HDAC9: variants seen among roughly 807,000 people sequenced by gnomAD.
The protein encoded by HDAC9 is MEF-2 interacting transcription repressor (MITR) protein.
HDAC9 carries 41 observed loss-of-function variants against 139.4 expected under a neutral mutation model. The ratio of observed to expected loss-of-function variants is 0.29; its 90% CI spans 0.23 to 0.38. HDAC9 has a LOEUF of 0.38. Among genes scored for constraint, HDAC9 ranks in the 10% least tolerant of loss-of-function variants. The pLI is 1.00. For synonymous variants in HDAC9, 517 were observed against 476.2 expected (o/e 1.09, Z -1.12); for missense variants, 1,147 against 1,297.0 (o/e 0.88, Z 1.78).
chr7:18,492,015 A>G (rs2128135333), upstream of HDAC9, among the ~76,000 whole-genome samples: 1 of 152,118 alleles, frequency 6.6e-6, no homozygotes, highest in East Asian at 1.9e-4. Flanking sequence ...GTCTCTCCTT[A>G]ACCATACTTA....
chr7:18,876,285 T>C (rs1483085054), intron 22 of HDAC9, among the ~76,000 whole-genome samples: 1 of 152,102 alleles, frequency 6.6e-6, no homozygotes, highest in Non-Finnish European at 1.5e-5. Context: ...TTGTGTTCCA[T>C]CTCAGAATCA....
At chr7:18,167,170 A>G (rs1788066258) in intron 2 of HDAC9, among the ~76,000 whole-genome samples, 1 of 151,722 alleles carries the variant, frequency 6.6e-6, no homozygotes, top group Admixed American at 6.6e-5. Flanking sequence ...ACTGTATGTT[A>G]AAGTTATTAA....
chr7:18,270,677 G>A (rs187973657), intron 2 of HDAC9, among the ~76,000 whole-genome samples: 3 of 152,192 alleles, frequency 2.0e-5, no homozygotes, highest in East Asian at 3.9e-4. Context: ...AAAAAGAGTA[G>A]GAGGAAAAAT....
At chr7:18,164,595 A>G (rs1787873506) in intron 2 of HDAC9, among the ~76,000 whole-genome samples, 1 of 152,170 alleles carries the variant, frequency 6.6e-6, no homozygotes, top group East Asian at 1.9e-4. Context: ...TTTGTCTTCA[A>G]AATTGGTTCT....
chr7:18,153,589 G>T (rs1432631025), intron 1 of HDAC9, among the ~76,000 whole-genome samples: 1 of 152,170 alleles, frequency 6.6e-6, no homozygotes, highest in Admixed American at 6.5e-5. Flanking sequence ...AAAAGGTGGG[G>T]AGGGTTGCAA....
At chr7:18,672,406 C>G (rs1421260782) in intron 12 of HDAC9, among the ~76,000 whole-genome samples, 1 of 151,938 alleles carries the variant, frequency 6.6e-6, no homozygotes, top group Non-Finnish European at 1.5e-5. Context: ...GCTTGCTTGT[C>G]TTTTTGTTGT....
rs143131784 is a variant in HDAC9 at position 18,869,172 on chromosome 7, G to T, written c.2685-5306G>T. Reference sequence around the variant, plus strand: ...GGTGTGTGTGTGTGTGTGTGTGTGTGTGTGTGTGTGTGTGTTGCGGTAGGG... The same window carrying T: ...GGTGTGTGTGTGTGTGTGTGTGTGTTTGTGTGTGTGTGTGTTGCGGTAGGG... On this transcript the variant is annotated intron_variant, in intron 21 of 25. Coordinates refer to ENST00000686413, the MANE Select transcript of HDAC9 (RefSeq NM_178425.4). Among the ~76,000 whole-genome samples the T allele has an allele frequency of 2.5e-4, 38 of 151,642 alleles. No homozygotes were observed. In the East Asian group the frequency reaches 5.3e-3, roughly 21 times the overall value.
chr7:18,405,227 C>G (rs542786390), intron 1 of HDAC9, among the ~76,000 whole-genome samples: 125 of 152,308 alleles, frequency 8.2e-4, no homozygotes, highest in African/African-American at 2.9e-3. Flanking sequence ...AAATGAAAAC[C>G]TAGTAAACTT....
upstream of HDAC9, among the ~76,000 whole-genome samples, chr7:18,289,164 C>G (rs561092329): frequency 6.6e-6 from 1 of 152,100 alleles, no homozygotes; most frequent in African/African-American, 2.4e-5. Flanking sequence ...AAAATATGAC[C>G]TTGGGGGCTT....
chr7:18,559,235 A>G (rs1271935965), intron 2 of HDAC9, among the ~76,000 whole-genome samples: 1 of 152,164 alleles, frequency 6.6e-6, no homozygotes, highest in Non-Finnish European at 1.5e-5. Flanking sequence ...GCAAAGCCCA[A>G]TAGTCTTGTT....
chr7:18,128,913 C>T (rs1475318676), intron 1 of HDAC9, among the ~76,000 whole-genome samples: 1 of 151,978 alleles, frequency 6.6e-6, no homozygotes, highest in Non-Finnish European at 1.5e-5. Context: ...TCTTGCCACT[C>T]TAACAGGCTG....
At chr7:18,317,310 T>C (rs1799721511) in intron 1 of HDAC9, among the ~76,000 whole-genome samples, 1 of 152,078 alleles carries the variant, frequency 6.6e-6, no homozygotes, top group Non-Finnish European at 1.5e-5. Context: ...CATATGTTTA[T>C]TTCTAGCAGC....
chr7:18,561,222 A>G (rs1820499856), intron 2 of HDAC9, among the ~76,000 whole-genome samples: 2 of 152,208 alleles, frequency 1.3e-5, no homozygotes, highest in Admixed American at 1.3e-4. Flanking sequence ...TGGTAATAGT[A>G]TGTATTGAAT....
chr7:18,260,374 A>G (rs546593429), intron 2 of HDAC9, among the ~76,000 whole-genome samples: 2 of 135,438 alleles, frequency 1.5e-5, no homozygotes, highest in South Asian at 4.6e-4. Context: ...GCTGGAGTGC[A>G]GTGGCACGAT....
chr7:18,146,326 TC>T (rs1786321985), intron 1 of HDAC9, among the ~76,000 whole-genome samples: 2 of 152,198 alleles, frequency 1.3e-5, no homozygotes, highest in Non-Finnish European at 2.9e-5. Flanking sequence ...ATGTTTACCT[TC>T]CATTTTAGGT....
chr7:18,444,070 G>A (rs1338192816), intron 1 of HDAC9, among the ~76,000 whole-genome samples: 1 of 151,924 alleles, frequency 6.6e-6, no homozygotes, highest in Non-Finnish European at 1.5e-5. Context: ...TGGGCATGGT[G>A]GCTCATGCCT....
chr7:18,572,518 T>C (rs962895538), intron 2 of HDAC9, among the ~76,000 whole-genome samples: 11 of 151,986 alleles, frequency 7.2e-5, no homozygotes, highest in Non-Finnish European at 4.4e-5. Context: ...GTTTGCACCA[T>C]CTTCCTCGTA....
intron 2 of HDAC9, among the ~76,000 whole-genome samples, chr7:18,175,601 T>C (rs1360307011): frequency 6.6e-6 from 1 of 152,196 alleles, no homozygotes; most frequent in Non-Finnish European, 1.5e-5. Context: ...AACGGACCAG[T>C]CCATAGTTTT....
At chr7:18,836,884 G>GA (rs1220739623) in intron 21 of HDAC9, among the ~76,000 whole-genome samples, 4 of 151,862 alleles carry the variant, frequency 2.6e-5, no homozygotes, top group African/African-American at 7.3e-5. Flanking sequence ...ACAACCACAT[G>GA]AAAAAAACTT....
Sources: allele counts gnomAD v4.1 joint callset (sites outside exome capture counted in the v4.1 genomes callset), GRCh38; gene constraint gnomAD v4.1.1; transcripts MANE v1.5; gene names NCBI Gene and HGNC (gene_info 2026-07-23, HGNC 2026-07-21).